Variants in ZDHHC7 observed in about 807,000 individuals in gnomAD.
ZDHHC7 encodes the protein zDHHC palmitoyltransferase 7.
A neutral mutation model predicts 34.1 loss-of-function variants in ZDHHC7; 12 were observed. The observed-to-expected ratio is 0.35, with a 90% CI of 0.23 to 0.57. ZDHHC7 has a LOEUF of 0.57. ZDHHC7 is among the 20% of genes least tolerant of loss of function. The pLI, the probability that ZDHHC7 is intolerant of heterozygous loss-of-function variation, is 0.84. For synonymous variants in ZDHHC7, 185 were observed against 155.4 expected (o/e 1.19, Z -1.42); for missense variants, 388 against 402.7 (o/e 0.96, Z 0.31).
chr16:84,977,533 A>G (rs961912425), intron 6 of ZDHHC7, among the ~76,000 whole-genome samples: 3 of 152,228 alleles, frequency 2.0e-5, no homozygotes, highest in African/African-American at 7.2e-5. Context: ...GTGTGCACCC[A>G]TACCAGTGAG....
intron 2 of ZDHHC7, among the ~76,000 whole-genome samples, chr16:84,993,360 G>A (rs2072534777): frequency 6.6e-6 from 1 of 152,090 alleles, no homozygotes; most frequent in African/African-American, 2.4e-5. Context: ...GGCTGAGTGT[G>A]GTGGCTTACA....
chr16:84,988,738 C>T, intron 3 of ZDHHC7: 1 of 1,547,888 alleles, frequency 6.5e-7, no homozygotes, highest in Non-Finnish European at 8.7e-7. Flanking sequence ...GCTGACCCTC[C>T]CCCATGTGCC....
intron 3 of ZDHHC7, among the ~76,000 whole-genome samples, chr16:84,984,372 T>G (rs1306740453): frequency 6.6e-6 from 1 of 152,132 alleles, no homozygotes; most frequent in African/African-American, 2.4e-5. Context: ...TAACACTGCT[T>G]TGATTTATAA....
the ZDHHC7 span, among the ~76,000 whole-genome samples, chr16:85,022,501 C>A: frequency 6.6e-6 from 1 of 152,022 alleles, no homozygotes. Context: ...CCAGCCTGGG[C>A]AAAAGAGTAA....
the ZDHHC7 span, among the ~76,000 whole-genome samples, chr16:85,021,547 A>G: frequency 1.3e-5 from 2 of 151,966 alleles, no homozygotes; most frequent in African/African-American, 4.8e-5. Context: ...TGTCTCTACT[A>G]AAGAAAAACA....
chr16:85,022,038 T>C, the ZDHHC7 span, among the ~76,000 whole-genome samples: 1 of 149,930 alleles, frequency 6.7e-6, no homozygotes, highest in African/African-American at 2.5e-5. Flanking sequence ...CGGGCGCCTG[T>C]AGTCCCAGCT....
At chr16:85,026,156 G>T in the ZDHHC7 span, among the ~76,000 whole-genome samples, 13 of 152,188 alleles carry the variant, frequency 8.5e-5, no homozygotes, top group African/African-American at 3.1e-4. Context: ...CAAACAGCTG[G>T]TAATGCAAGG....
chr16:85,018,312 G>A, the ZDHHC7 span, among the ~76,000 whole-genome samples: 2 of 152,294 alleles, frequency 1.3e-5, no homozygotes, highest in South Asian at 4.1e-4. Flanking sequence ...GGAAGACAGG[G>A]CAAGGCAGTG....
intron 3 of ZDHHC7, among the ~76,000 whole-genome samples, chr16:84,988,401 T>C (rs1413209988): frequency 1.3e-5 from 2 of 152,202 alleles, no homozygotes; most frequent in African/African-American, 2.4e-5. Context: ...TTTAGTGCTA[T>C]GTGAATTAAA....
chr16:84,997,197 G>A (rs990051162), intron 1 of ZDHHC7, among the ~76,000 whole-genome samples: 1 of 151,330 alleles, frequency 6.6e-6, no homozygotes, highest in African/African-American at 2.4e-5. Context: ...GAAACAAAAA[G>A]AGGAACAGTT....
At chr16:84,976,927 G>T (rs1013486628) in intron 7 of ZDHHC7, among the ~76,000 whole-genome samples, 168 bp downstream of exon 7, 1 of 152,200 alleles carries the variant, frequency 6.6e-6, no homozygotes, top group Non-Finnish European at 1.5e-5. Context: ...AATATGCACT[G>T]CCCAGAATGA....
At chr16:84,995,679 G>C (rs149764607) in intron 2 of ZDHHC7, among the ~76,000 whole-genome samples, 24 of 152,166 alleles carry the variant, frequency 1.6e-4, no homozygotes, top group African/African-American at 5.8e-4. Flanking sequence ...TGGAAAGCGG[G>C]GTATTCCCCT....
At chr16:84,991,059 G>A (rs571434749) in intron 2 of ZDHHC7, among the ~76,000 whole-genome samples, 7 of 152,230 alleles carry the variant, frequency 4.6e-5, no homozygotes, top group South Asian at 2.1e-4. Flanking sequence ...GCAGGTGCTC[G>A]GCACACACTT....
At position 84,992,068 on chromosome 16, in the gene ZDHHC7, C is replaced by A. The variant is rs181666165; in HGVS notation, c.-17-1433G>T. Among the ~76,000 whole-genome samples the A allele has an allele frequency of 4.0e-3, 607 of 151,398 alleles. 1 individual carries two copies. The highest frequency in any genetic ancestry group is 0.014 in the African/African-American group (583 of 41,242). The stretch of plus-strand genomic sequence containing the variant: ...GCGTGCGCCTGTAATCCCAGCTACT[C>A]GGGAGGCTGAGGCAGGAGAATCACT... On this transcript the variant is annotated intron_variant, in intron 2 of 7. Transcript: ENST00000313732.
chr16:85,021,491 C>G, the ZDHHC7 span, among the ~76,000 whole-genome samples: 1 of 149,178 alleles, frequency 6.7e-6, no homozygotes, highest in African/African-American at 2.5e-5. Context: ...GGTGGATCAA[C>G]TGCGGCCAGG....
intron 1 of ZDHHC7, among the ~76,000 whole-genome samples, chr16:85,000,332 G>C (rs1042167026): frequency 6.6e-6 from 1 of 152,162 alleles, no homozygotes; most frequent in African/African-American, 2.4e-5. Context: ...CCTGAGTCCA[G>C]ACCCTGTCTT....
At chr16:84,999,987 A>T (rs1057208292) in intron 1 of ZDHHC7, among the ~76,000 whole-genome samples, 1 of 151,718 alleles carries the variant, frequency 6.6e-6, no homozygotes, top group African/African-American at 2.4e-5. Context: ...CTACAAAAAA[A>T]ATTTTTTAAA....
rs182898399 is a variant in ZDHHC7, at chr16:84,974,691, G to A, written c.*1652C>T. On this transcript the variant is annotated 3_prime_UTR_variant, in exon 8 of 8. Transcript: ENST00000313732. ...GCAAATGAATATGCAGAACAATCTC[G>A]GAAACTGGCGTCTCCAGGATCACCC... The A allele has an allele frequency of 5.2e-5, 8 of 152,746 alleles. No individual in the cohort carries two copies. Among genetic ancestry groups the A allele is most frequent in the Admixed American group, 2.6e-4 (4 of 15,300 alleles). 9.5% of individuals were successfully genotyped at this position (152,746 alleles called of 1,614,324 possible). A position where few individuals can be genotyped will look rare whatever the true frequency, so the allele number is the denominator to read the frequency against.
At chr16:84,982,489 T>C (rs1219311699) in intron 3 of ZDHHC7, among the ~76,000 whole-genome samples, 1 of 152,158 alleles carries the variant, frequency 6.6e-6, no homozygotes, top group Non-Finnish European at 1.5e-5. Context: ...TGTCCCCAGG[T>C]GGGGCAGGGA....
Sources: allele counts gnomAD v4.1 joint callset (sites outside exome capture counted in the v4.1 genomes callset), GRCh38; gene constraint gnomAD v4.1.1; transcripts MANE v1.5; gene names NCBI Gene and HGNC (gene_info 2026-07-23, HGNC 2026-07-21).